Variants in AFF1 observed in about 807,000 individuals in gnomAD.
AFF1 encodes the protein AF4/FMR2 family member 1.
A neutral mutation model predicts 121.7 loss-of-function variants in AFF1; 48 were observed. The ratio of observed to expected loss-of-function variants is 0.39; its 90% CI spans 0.31 to 0.50. The LOEUF is 0.50. Ranked by LOEUF, AFF1 falls within the 20% of genes least tolerant of loss-of-function variation. The pLI is 0.76. For synonymous variants in AFF1, 613 were observed against 563.0 expected, an observed-to-expected ratio of 1.09 and a Z score of -1.26; for missense variants, 1,523 against 1,511.7, an observed-to-expected ratio of 1.01 and a Z score of -0.12.
In AFF1 at chr4:87,125,141, A is replaced by G. The variant is rs1174675495; in HGVS notation, c.2571A>G (p.Thr857=). Residue 857 remains threonine (T), a splice_region_variant and synonymous_variant, in exon 13 of 21, where the codon ACA becomes ACG. Coordinates refer to ENST00000395146, the MANE Select transcript of AFF1 (RefSeq NM_001166693.3). ...CCTCCCACAAAGAATCTTCTAAAACAAAGTGAGTATAGAGATTAGCAACCA... is the reference window on the plus strand; with the variant it reads ...CCTCCCACAAAGAATCTTCTAAAACGAAGTGAGTATAGAGATTAGCAACCA... The part of the protein sequence containing the change: ...SSSSHKESSK[T]KPSRPSSQSS... 6.2e-7 allele frequency: 1 copy of G among 1,607,602 alleles called. No individual in the cohort carries two copies. Among genetic ancestry groups the G allele is most frequent in the Non-Finnish European group, 8.5e-7 (1 of 1,176,244 alleles).
At chr4:87,104,192 A>G (rs1319811554) in intron 8 of AFF1, among the ~76,000 whole-genome samples, 1 of 152,156 alleles carries the variant, frequency 6.6e-6, no homozygotes, top group African/African-American at 2.4e-5. Flanking sequence ...AGACCACTTG[A>G]ACCCGGAGCT....
At chr4:86,967,427 G>T (rs1305148723) in intron 2 of AFF1, among the ~76,000 whole-genome samples, 2 of 152,198 alleles carry the variant, frequency 1.3e-5, no homozygotes, top group Non-Finnish European at 2.9e-5. Context: ...GGTGAGCCAT[G>T]CTAAGAAATT....
chr4:87,132,120 G>A, intron 18 of AFF1, 151 bp from the exon 19 acceptor site: 1 of 894,288 alleles, frequency 1.1e-6, no homozygotes, highest in Non-Finnish European at 1.7e-6. Context: ...TTTACTTTTG[G>A]GATAGTATGA....
intron 2 of AFF1, among the ~76,000 whole-genome samples, chr4:86,957,943 C>T (rs1218162826): frequency 5.3e-5 from 8 of 152,102 alleles, no homozygotes; most frequent in African/African-American, 1.9e-4. Context: ...AAAGCAAATT[C>T]CATTTCACTT....
Position 87,046,201 on chromosome 4 carries a change from G to C in AFF1, c.74G>C (p.Arg25Thr). The part of the protein sequence containing the change: ...YNDDRNLLRI[R>T]EKERRNQEAH... Reference sequence around the variant, plus strand: ...GACGACAGAAACCTGCTTCGAATTAGAGAGAAGGAAAGACGCAACCAGGAA... The same window carrying C: ...GACGACAGAAACCTGCTTCGAATTACAGAGAAGGAAAGACGCAACCAGGAA... The change falls in exon 3 of 21, where the codon AGA (arginine) becomes ACA (threonine). Residue 25 changes from arginine (R) to threonine (T), a missense_variant. Transcript: ENST00000395146. 5 of 1,613,878 alleles carry C rather than the reference G, an allele frequency of 3.1e-6. No individual in the cohort carries two copies. The highest frequency in any genetic ancestry group is 4.2e-6 in the Non-Finnish European group (5 of 1,179,948).
chr4:87,063,534 C>T (rs115136905), intron 4 of AFF1, among the ~76,000 whole-genome samples: 3,071 of 152,102 alleles, frequency 0.02, 112 homozygotes, highest in African/African-American at 0.07. Flanking sequence ...CCACCGCGCC[C>T]GGCCAGATCC....
chr4:86,944,325 T>A (rs1220894169), intron 1 of AFF1, among the ~76,000 whole-genome samples: 1 of 151,962 alleles, frequency 6.6e-6, no homozygotes, highest in Non-Finnish European at 1.5e-5. Context: ...GAAGCCCCTG[T>A]ATTACTGATG....
intron 19 of AFF1, 102 bp downstream of exon 19, chr4:87,132,510 T>C: frequency 8.2e-7 from 1 of 1,212,256 alleles, no homozygotes; most frequent in Non-Finnish European, 1.1e-6. Flanking sequence ...TCACTTTGCC[T>C]TTTCAAAAAT....
Position 87,108,740 on chromosome 4 carries a change from G to C in AFF1, c.1533+425G>C, listed in dbSNP as rs1726178800. 2.0e-5 allele frequency among the ~76,000 whole-genome samples: 3 copies of C among 152,184 alleles called. No homozygotes were observed. The South Asian group carries it at 6.2e-4, about 32-fold the overall frequency. The stretch of plus-strand genomic sequence containing the variant: ...AAGCAAAAGGAGACTGCCTGATTTA[G>C]CAAAGGGCAGGAATGTGAACTAGAA... On this transcript the variant is annotated intron_variant, in intron 11 of 20. Coordinates refer to ENST00000395146, the MANE Select transcript of AFF1 (RefSeq NM_001166693.3).
intron 8 of AFF1, 64 bp from the exon 9 acceptor site, chr4:87,105,564 A>C: frequency 6.4e-7 from 1 of 1,570,234 alleles, no homozygotes; most frequent in South Asian, 1.1e-5. Flanking sequence ...TTCTATTTAC[A>C]TGCTAGAAAA....
intron 12 of AFF1, among the ~76,000 whole-genome samples, chr4:87,116,454 G>A (rs775982842): frequency 6.6e-5 from 10 of 152,068 alleles, no homozygotes; most frequent in African/African-American, 2.4e-4. Flanking sequence ...TCACAAGAAG[G>A]GCCAACTCTC....
At chr4:86,982,839 CT>C in intron 2 of AFF1, among the ~76,000 whole-genome samples, 1 of 91,858 alleles carries the variant, frequency 1.1e-5, no homozygotes, top group Non-Finnish European at 1.9e-5. Flanking sequence ...CAGAGTAAGA[CT>C]CTGTCTCCAA....
At position 87,069,271 on chromosome 4, in the gene AFF1, C is replaced by CTTTTT. The variant is rs753186809; in HGVS notation, c.1060-14831_1060-14827dup. Among the ~76,000 whole-genome samples the CTTTTT allele has an allele frequency of 1.6e-3, 132 of 80,558 alleles. 9 individuals carry two copies. The highest frequency in any genetic ancestry group is 6.0e-3 in the African/African-American group (111 of 18,562). 52.8% of individuals were successfully genotyped at this position (80,558 alleles called of 152,430 possible). A position where few individuals can be genotyped will look rare whatever the true frequency, so the allele number is the denominator to read the frequency against. ...ACAGGTGGCGTGGTGTGTGTGGCCT[C>CTTTTT]TTTTTTTTTTTTTTTTTTTTTTGGC... On this transcript the variant is annotated intron_variant, in intron 4 of 20. Transcript: ENST00000395146.
chr4:87,130,019 G>A (rs1049674030), intron 16 of AFF1, among the ~76,000 whole-genome samples: 5 of 149,816 alleles, frequency 3.3e-5, no homozygotes, highest in Non-Finnish European at 7.4e-5. Flanking sequence ...CTGCCACCCA[G>A]GCTGGAGTGC....
intron 2 of AFF1, among the ~76,000 whole-genome samples, chr4:87,027,039 T>C (rs994969121): frequency 2.0e-5 from 3 of 152,300 alleles, no homozygotes; most frequent in Admixed American, 1.3e-4. Flanking sequence ...CCAGAGAAGA[T>C]TAACTTTCTG....
intron 11 of AFF1, among the ~76,000 whole-genome samples, chr4:87,110,510 C>A (rs1445305039): frequency 1.3e-5 from 2 of 150,328 alleles, no homozygotes; most frequent in Non-Finnish European, 2.9e-5. Flanking sequence ...ACCATCCCCC[C>A]ACCCCCTACT....
At chr4:87,006,916 C>T (rs567768935) in intron 2 of AFF1, 333 of 993,640 alleles carry the variant, frequency 3.4e-4, no homozygotes, top group Middle Eastern at 1.9e-3. Flanking sequence ...TTTAAGTAGG[C>T]GGGCCGTACC....
chr4:86,941,642 ACT>A (rs990985994), intron 1 of AFF1, among the ~76,000 whole-genome samples: 6 of 151,772 alleles, frequency 4.0e-5, no homozygotes, highest in African/African-American at 1.5e-4. Context: ...ATAGAGCAAG[ACT>A]CTGTCTCATA....
chr4:86,949,544 T>TA (rs1721136934), intron 2 of AFF1: 11 of 252,520 alleles, frequency 4.4e-5, no homozygotes, highest in South Asian at 3.1e-4. Context: ...ATTATTTTTT[T>TA]TTTTTTTTTT....
Sources: gnomAD v4.1 joint callset for allele counts (sites outside exome capture counted in the v4.1 genomes callset) on GRCh38, gnomAD v4.1.1 for gene constraint, MANE v1.5 for transcripts, NCBI Gene and HGNC (gene_info 2026-07-23, HGNC 2026-07-21) for gene names.